Variants in CD81 observed in about 807,000 individuals in gnomAD.
The protein encoded by CD81 is CD81 molecule.
A neutral mutation model predicts 30.1 loss-of-function variants in CD81; 10 were observed. That is an observed-to-expected ratio of 0.33 (90% CI 0.21 to 0.56). The LOEUF is 0.56. CD81 is among the 20% of genes least tolerant of loss of function. The pLI is 0.89. For missense variants in CD81, 263 were observed against 308.7 expected, an observed-to-expected ratio of 0.85 and a Z score of 1.11; for synonymous variants, 147 against 126.4, an observed-to-expected ratio of 1.16 and a Z score of -1.10.
intron 1 of CD81, chr11:2,384,538 G>T (rs1299559699): frequency 4.8e-5 from 1 of 20,676 alleles, no homozygotes; most frequent in African/African-American, 8.9e-5. Flanking sequence ...GGCTTGTGGG[G>T]TGGGGCATCT....
chr11:2,394,780 G>A, intron 3 of CD81, 192 bp from the exon 4 acceptor site: 1 of 656,432 alleles, frequency 1.5e-6, no homozygotes, highest in Non-Finnish European at 2.8e-6. Flanking sequence ...GGCTTTGACG[G>A]CTCCTCCCTG....
intron 1 of CD81, among the ~76,000 whole-genome samples, chr11:2,388,643 C>G (rs1358578458): frequency 2.6e-5 from 4 of 152,244 alleles, no homozygotes; most frequent in African/African-American, 9.6e-5. Flanking sequence ...TGGCACCCAG[C>G]TGGTGGCAGA....
At position 2,377,680 on chromosome 11, in the gene CD81, C is replaced by T; in HGVS notation, c.66+65C>T. ...CACACACTCCACGTTGGGCAGGTCCCGCGGCAGCGTGCTAGGCCCCGCGGG... is the reference window on the plus strand; with the variant it reads ...CACACACTCCACGTTGGGCAGGTCCTGCGGCAGCGTGCTAGGCCCCGCGGG... On this transcript the variant is annotated intron_variant, in intron 1 of 7. Transcript: ENST00000263645. The surrounding 1 kb of genome is among the most constrained non-coding windows in gnomAD (Gnocchi z 7.7). The T allele has an allele frequency of 8.7e-7, 1 of 1,143,926 alleles. No homozygotes were observed. 70.9% of individuals were successfully genotyped at this position (1,143,926 alleles called of 1,614,324 possible). A position where few individuals can be genotyped will look rare whatever the true frequency, so the allele number is the denominator to read the frequency against.
Position 2,394,089 on chromosome 11 carries a change from C to G in CD81, c.182-6C>G, listed in dbSNP as rs199682895. On this transcript the variant is annotated splice_polypyrimidine_tract_variant and splice_region_variant and intron_variant, in intron 2 of 7. Coordinates refer to ENST00000263645, the MANE Select transcript of CD81 (RefSeq NM_004356.4). ...GGCACCCACCTGGTGTCTCTCTCCC[C>G]GCAAGGCATCTACATCCTCATCGCT... 2 of 1,610,578 alleles carry G rather than the reference C, an allele frequency of 1.2e-6. No homozygotes were observed. Among genetic ancestry groups the G allele is most frequent in the African/African-American group, 2.7e-5 (2 of 75,002 alleles).
At chr11:2,395,555 C>T (rs185357809) in intron 5 of CD81, 35 bp downstream of exon 5, 18 of 1,522,182 alleles carry the variant, frequency 1.2e-5, no homozygotes, top group African/African-American at 5.5e-5. Context: ...GGGAGCAGGG[C>T]CCCGGGAACC....
At position 2,377,629 on chromosome 11, in the gene CD81, C is replaced by CG; in HGVS notation, c.66+19dup. On this transcript the variant is annotated intron_variant, in intron 1 of 7. Transcript: ENST00000263645. This position sits in a 1 kb window ranked among gnomAD's most constrained non-coding sequence, Gnocchi z 7.7. ...TTCGTCTTCTGGGTAAGGGCTGCGC[C>CG]GGGGGCCGGGGCGGGAGGGGGCAGG... 1 of 1,503,238 alleles carries CG rather than the reference C, an allele frequency of 6.7e-7. No individual in the cohort carries two copies. The highest frequency in any genetic ancestry group is 9.0e-7 in the Non-Finnish European group (1 of 1,108,066). 93.1% of individuals were successfully genotyped at this position (1,503,238 alleles called of 1,614,324 possible). A position where few individuals can be genotyped will look rare whatever the true frequency, so the allele number is the denominator to read the frequency against.
rs1282385177 is a variant in CD81 at position 2,378,847 on chromosome 11, C to T, written c.66+1232C>T. On this transcript the variant is annotated intron_variant, in intron 1 of 7. Transcript: ENST00000263645. This position sits in a 1 kb window ranked among gnomAD's most constrained non-coding sequence, Gnocchi z 4.9. ...TGGAGCCAGTGTGTGGGACCAGAGA[C>T]ATCTGTTTCCCATCTGGACGGCTGA... 1.3e-5 allele frequency among the ~76,000 whole-genome samples: 2 copies of T among 152,222 alleles called. No homozygotes were observed. The highest frequency in any genetic ancestry group is 2.1e-4 in the South Asian group (1 of 4,832).
intron 3 of CD81, chr11:2,394,758 G>C: frequency 1.6e-6 from 1 of 636,250 alleles, no homozygotes; most frequent in Non-Finnish European, 2.9e-6. Context: ...GGTGCCGCGT[G>C]GGGACATCCT....
Position 2,395,063 on chromosome 11 carries a change from A to G in CD81, c.354+17A>G, listed in dbSNP as rs11820341. 6.9e-3 allele frequency: 9,405 copies of G among 1,372,342 alleles called. 426 individuals are homozygous for G. The African/African-American group carries it at 0.11, about 16-fold the overall frequency. The allele number at this position is 1,372,342 out of a possible 1,614,324, so 85.0% of individuals were successfully genotyped here. A position where few individuals can be genotyped will look rare whatever the true frequency, so the allele number is the denominator to read the frequency against. ...AAGGACCAGGTGAGCCTGGGTGTGC[A>G]GGGACAGGGTGGGGTGGGTGACGGG... On this transcript the variant is annotated intron_variant, in intron 4 of 7. Transcript: ENST00000263645.
At chr11:2,384,380 CTGGGGTGGGGCGTCTCG>C (rs1302151406) in intron 1 of CD81, among the ~76,000 whole-genome samples, 1 of 8,980 alleles carries the variant, frequency 1.1e-4, no homozygotes, top group Non-Finnish European at 1.9e-4. Flanking sequence ...GGGGCATTTC[CTGGGGTGGGGCGTCTCG>C]TGGGGTGGGA....
intron 1 of CD81, among the ~76,000 whole-genome samples, chr11:2,381,468 A>T (rs1254722408): frequency 1.3e-5 from 2 of 152,154 alleles, no homozygotes; most frequent in Non-Finnish European, 1.5e-5. Context: ...TTCACCCCCA[A>T]TCCCTTTCTC....
intron 1 of CD81, among the ~76,000 whole-genome samples, chr11:2,383,930 T>TCTGGCTC (rs1185198050): frequency 1.3e-5 from 2 of 152,024 alleles, no homozygotes; most frequent in African/African-American, 4.8e-5. Context: ...CACCCGAAGT[T>TCTGGCTC]CTGGCTCCTG....
In CD81 at chr11:2,394,092, A is replaced by C; in HGVS notation, c.182-3A>C. The C allele has an allele frequency of 6.2e-7, 1 of 1,611,182 alleles. No homozygotes were observed. The highest frequency in any genetic ancestry group is 8.5e-7 in the Non-Finnish European group (1 of 1,178,180). On this transcript the variant is annotated splice_polypyrimidine_tract_variant and splice_region_variant and intron_variant, in intron 2 of 7. Transcript: ENST00000263645. ...ACCCACCTGGTGTCTCTCTCCCCGC[A>C]AGGCATCTACATCCTCATCGCTGTG... is the stretch of plus-strand genomic sequence containing the variant.
intron 4 of CD81, 129 bp from the exon 5 acceptor site, chr11:2,395,287 C>G (rs1589853809): frequency 1.2e-6 from 1 of 803,396 alleles, no homozygotes; most frequent in African/African-American, 1.7e-5. Context: ...TCCTTGTCCT[C>G]TGGGGTCTAG....
chr11:2,387,458 C>G (rs1012585815), intron 1 of CD81, among the ~76,000 whole-genome samples: 11 of 152,216 alleles, frequency 7.2e-5, no homozygotes, highest in Non-Finnish European at 1.6e-4. Flanking sequence ...CTCTCGGCCT[C>G]GCCACCTCCT....
chr11:2,377,602 A>G lies in CD81; in HGVS notation c.53A>G (p.Asn18Ser), dbSNP rs1356652387. Residue 18 changes from asparagine (N) to serine (S), a missense_variant, in exon 1 of 8, where the codon AAT becomes AGT. By Grantham distance (46) the Asn-to-Ser change is conservative (BLOSUM62 1). Coordinates refer to ENST00000263645, the MANE Select transcript of CD81 (RefSeq NM_004356.4). The surrounding 1 kb of genome is among the most constrained non-coding windows in gnomAD (Gnocchi z 7.7). Reference protein sequence around the residue: ...KCIKYLLFVFNFVFWLAGGVI... With the variant: ...KCIKYLLFVFSFVFWLAGGVI... ...ATCAAGTACCTGCTCTTCGTCTTCA[A>G]TTTCGTCTTCTGGGTAAGGGCTGCG... is the stretch of plus-strand genomic sequence containing the variant. 5 of 1,542,456 alleles carry G rather than the reference A, an allele frequency of 3.2e-6. No homozygotes were observed. The highest frequency in any genetic ancestry group is 1.8e-5 in the Admixed American group (1 of 54,192).
At chr11:2,385,992 CTG>C in intron 1 of CD81, 1 of 708,576 alleles carries the variant, frequency 1.4e-6, no homozygotes, top group Non-Finnish European at 2.6e-6. Context: ...AACTGCCAAA[CTG>C]TTATTCAAGG....
chr11:2,394,330 C>A, intron 3 of CD81, 138 bp downstream of exon 3: 1 of 624,812 alleles, frequency 1.6e-6, no homozygotes, highest in Non-Finnish European at 2.8e-6. Flanking sequence ...CTGCTTTTCC[C>A]GTTTGGTTTT....
At chr11:2,382,358 T>C (rs1437681074) in intron 1 of CD81, 5 of 152,224 alleles carry the variant, frequency 3.3e-5, no homozygotes, top group African/African-American at 9.7e-5. Flanking sequence ...AGAGTCCAGG[T>C]GTGAGATTCC....
Sources: gnomAD v4.1 joint callset for allele counts (sites outside exome capture counted in the v4.1 genomes callset) on GRCh38, gnomAD v4.1.1 for gene constraint, Gnocchi (gnomAD v3.1) non-coding constraint, MANE v1.5 for transcripts, NCBI Gene and HGNC (gene_info 2026-07-23, HGNC 2026-07-21) for gene names.